ENAH: variants seen among roughly 807,000 people sequenced by gnomAD.
ENAH encodes ENAH actin regulator.
A neutral mutation model predicts 78.7 loss-of-function variants in ENAH; 23 were observed. That is an observed-to-expected ratio of 0.29 (90% confidence interval 0.21 to 0.41). The LOEUF (loss-of-function observed/expected upper bound fraction) is 0.41, where lower values mean the gene tolerates loss of function less well. Ranked by LOEUF, ENAH falls within the 10% of genes least tolerant of loss-of-function variation. The pLI is 1.00. For synonymous variants in ENAH, 226 were observed against 241.0 expected (o/e 0.94, Z 0.58); for missense variants, 544 against 691.0 (o/e 0.79, Z 2.39).
intron 1 of ENAH, among the ~76,000 whole-genome samples, chr1:225,639,153 T>C (rs1158552406): frequency 6.6e-6 from 1 of 152,132 alleles, no homozygotes; most frequent in African/African-American, 2.4e-5. Flanking sequence ...ATGAAAACTC[T>C]TTACAAAGCA....
intron 1 of ENAH, among the ~76,000 whole-genome samples, chr1:225,627,593 A>G (rs1267596905): frequency 2.6e-5 from 4 of 152,238 alleles, no homozygotes; most frequent in South Asian, 4.1e-4. Flanking sequence ...ATCAACTTTC[A>G]GTAGGAATGG....
At chr1:225,584,426 T>C (rs1047469117) in intron 1 of ENAH, among the ~76,000 whole-genome samples, 3 of 152,038 alleles carry the variant, frequency 2.0e-5, no homozygotes, top group East Asian at 3.9e-4. Flanking sequence ...AAAAAGTCAG[T>C]AGAAAAATTA....
chr1:225,527,865 C>A (rs1434228767), intron 4 of ENAH, among the ~76,000 whole-genome samples: 1 of 152,172 alleles, frequency 6.6e-6, no homozygotes, highest in Non-Finnish European at 1.5e-5. Flanking sequence ...CTCCCACCAA[C>A]TCCCAAAAAA....
At chr1:225,629,500 T>C (rs537743097) in intron 1 of ENAH, among the ~76,000 whole-genome samples, 1 of 150,560 alleles carries the variant, frequency 6.6e-6, no homozygotes, top group African/African-American at 2.4e-5. Context: ...GGTAGGAGAA[T>C]TGCTTGAATC....
intron 1 of ENAH, among the ~76,000 whole-genome samples, chr1:225,586,500 C>T (rs557201216): frequency 3.2e-4 from 49 of 151,900 alleles, no homozygotes; most frequent in African/African-American, 1.1e-3. Context: ...ATGAGACCAG[C>T]GTGATCCCAA....
chr1:225,585,405 A>G (rs2096841172), intron 1 of ENAH, among the ~76,000 whole-genome samples: 1 of 152,144 alleles, frequency 6.6e-6, no homozygotes, highest in Non-Finnish European at 1.5e-5. Context: ...TATTTTAAAG[A>G]CACTATACAT....
chr1:225,564,305 T>C (rs1365464634), intron 2 of ENAH, among the ~76,000 whole-genome samples: 1 of 151,996 alleles, frequency 6.6e-6, no homozygotes, highest in Non-Finnish European at 1.5e-5. Flanking sequence ...TTGTTTTTTT[T>C]TGAGATGGTG....
chr1:225,505,088 A>G (rs374778732), intron 11 of ENAH: 38 of 1,475,400 alleles, frequency 2.6e-5, no homozygotes, highest in Non-Finnish European at 3.3e-5. Flanking sequence ...GGGATACACA[A>G]TAGAACTTTA....
chr1:225,520,425 C>T (rs1343926889), intron 4 of ENAH, among the ~76,000 whole-genome samples: 2 of 152,190 alleles, frequency 1.3e-5, no homozygotes, highest in Admixed American at 1.3e-4. Flanking sequence ...TCTATATATA[C>T]ACATACGCGC....
intron 1 of ENAH, among the ~76,000 whole-genome samples, chr1:225,633,338 C>G (rs1490052564): frequency 6.6e-6 from 1 of 151,728 alleles, no homozygotes; most frequent in Non-Finnish European, 1.5e-5. Context: ...GTGTGAGCCA[C>G]CGCACCCAGC....
chr1:225,583,871 G>A lies in ENAH; in HGVS notation c.6-16457C>T, dbSNP rs572669400. 9.9e-5 allele frequency among the ~76,000 whole-genome samples: 15 copies of A among 152,092 alleles called. No individual in the cohort carries two copies. The South Asian group carries it at 3.1e-3, about 32-fold the overall frequency. On this transcript the variant is annotated intron_variant, in intron 1 of 13. Coordinates refer to ENST00000366843, the MANE Select transcript of ENAH (RefSeq NM_018212.6). ...AAGAGCATCAAAAATGGTAAATGTA[G>A]GCCGGGCACAGTGGCTCGCACCTGT... is the stretch of plus-strand genomic sequence containing the variant.
intron 2 of ENAH, among the ~76,000 whole-genome samples, chr1:225,560,566 AC>A (rs1226255832): frequency 6.6e-6 from 1 of 152,158 alleles, no homozygotes; most frequent in African/African-American, 2.4e-5. Flanking sequence ...ATCATGGGAC[AC>A]GACAGTCTTG....
chr1:225,535,463 T>G, intron 3 of ENAH: 1 of 1,238,508 alleles, frequency 8.1e-7, no homozygotes, highest in Non-Finnish European at 1.1e-6. Context: ...GCAAGTAGCA[T>G]GTACCACAGC....
intron 5 of ENAH, chr1:225,518,139 A>G: frequency 1.6e-6 from 1 of 632,118 alleles, no homozygotes; most frequent in Non-Finnish European, 2.6e-6. Flanking sequence ...AAACGCAAAT[A>G]ACTATTTTCA....
chr1:225,580,221 A>T (rs2096808906), intron 1 of ENAH: 1 of 152,016 alleles, frequency 6.6e-6, no homozygotes, highest in Admixed American at 6.6e-5. Flanking sequence ...ATGGAATGTC[A>T]CTTCCAAGGT....
intron 3 of ENAH, among the ~76,000 whole-genome samples, chr1:225,534,195 T>C (rs1016084371): frequency 6.6e-6 from 1 of 151,936 alleles, no homozygotes; most frequent in African/African-American, 2.4e-5. Flanking sequence ...GTTCAAAAGA[T>C]AGCCCGGAAA....
At chr1:225,510,928 G>A (rs569532270) in intron 10 of ENAH, among the ~76,000 whole-genome samples, 1 of 152,042 alleles carries the variant, frequency 6.6e-6, no homozygotes, top group South Asian at 2.1e-4. Context: ...GGCTAAGGTG[G>A]GAGGATCACT....
In ENAH at chr1:225,591,436, C is replaced by T. The variant is rs542713704; in HGVS notation, c.6-24022G>A. Among the ~76,000 whole-genome samples the T allele has an allele frequency of 2.0e-5, 3 of 151,044 alleles. No homozygotes were observed. The East Asian group carries it at 5.9e-4, about 29-fold the overall frequency. On this transcript the variant is annotated intron_variant, in intron 1 of 13. Coordinates refer to ENST00000366843, the MANE Select transcript of ENAH (RefSeq NM_018212.6). Reference sequence around the variant, plus strand: ...TGAGCCGAGACTGCGCCATTGCACTCCAGCCTGGGCGACAAGAGCGAAACT... The same window carrying T: ...TGAGCCGAGACTGCGCCATTGCACTTCAGCCTGGGCGACAAGAGCGAAACT...
Position 225,578,948 on chromosome 1 carries a change from C to T in ENAH, c.6-11534G>A, listed in dbSNP as rs548566664. 3.9e-5 allele frequency among the ~76,000 whole-genome samples: 6 copies of T among 152,216 alleles called. No individual in the cohort carries two copies. The South Asian group carries it at 1.2e-3, about 32-fold the overall frequency. On this transcript the variant is annotated intron_variant, in intron 1 of 13. Coordinates refer to ENST00000366843, the MANE Select transcript of ENAH (RefSeq NM_018212.6). The stretch of plus-strand genomic sequence containing the variant: ...GCCAGTGTTGATACTAATAATACTA[C>T]TAATAATAGTAAAAAATAAGGATAT...
Sources: gnomAD v4.1 joint callset for allele counts (sites outside exome capture counted in the v4.1 genomes callset) on GRCh38, gnomAD v4.1.1 for gene constraint, MANE v1.5 for transcripts, NCBI Gene and HGNC (gene_info 2026-07-23, HGNC 2026-07-21) for gene names.